The following PRRC2A variants were observed in gnomAD, a reference collection of about 807,000 sequenced individuals.
PRRC2A encodes the protein proline rich coiled-coil 2A.
Under a neutral mutation model 224.6 loss-of-function variants are expected in PRRC2A, and 59 were observed. The observed-to-expected ratio is 0.26, with a 90% CI of 0.21 to 0.33. The LOEUF (loss-of-function observed/expected upper bound fraction) is 0.33, where lower values mean the gene tolerates loss of function less well. Among genes scored for constraint, PRRC2A ranks in the 10% least tolerant of loss-of-function variants. The probability of loss-of-function intolerance (pLI) is 1.00; values close to 1 mark genes in which losing one functional copy is unlikely to be tolerated. For synonymous variants in PRRC2A, 1,194 were observed against 1,109.5 expected (o/e 1.08, Z -1.51); for missense variants, 3,095 against 2,880.7 (o/e 1.07, Z -1.70).
Position 31,629,303 on chromosome 6 carries a change from C to T in PRRC2A, c.1925C>T (p.Ser642Leu), listed in dbSNP as rs1383897218. The change falls in exon 13 of 31, where the codon TCG becomes TTG. Residue 642 changes from serine to leucine, a missense_variant. Coordinates refer to ENST00000376033, the MANE Select transcript of PRRC2A (RefSeq NM_004638.4). ...TTGGGCTACCCCAAATATCAGAAGTCGTTGCCTCCTCGTTTCCAGCGGCAG... is the reference window on the plus strand; with the variant it reads ...TTGGGCTACCCCAAATATCAGAAGTTGTTGCCTCCTCGTTTCCAGCGGCAG... The part of the protein sequence containing the change: ...QGLGYPKYQK[S>L]LPPRFQRQQQ... 1.3e-6 allele frequency: 2 copies of T among 1,576,826 alleles called. No homozygotes were observed. The highest frequency in any genetic ancestry group is 1.2e-5 in the South Asian group (1 of 86,560).
rs762574919 is a variant in PRRC2A, at chr6:31,629,164, A to G, written c.1786A>G (p.Lys596Glu). 3.7e-6 allele frequency: 6 copies of G among 1,614,066 alleles called. No individual in the cohort carries two copies. Among genetic ancestry groups the G allele is most frequent in the African/African-American group, 1.3e-5 (1 of 75,014 alleles). ...TGCAGTGGAACCACAACTGCCCTCA[A>G]AAGAGGGTCCTGAACCACCAGAAGA... ...ASPVEPQLPS[K>E]EGPEPPEEVP... Residue 596 changes from lysine (K) to glutamate (E), a missense_variant, in exon 13 of 31, where the codon AAA (lysine) becomes GAA (glutamate). Physicochemically the swap from Lys to Glu is moderately conservative, Grantham distance 56. Coordinates refer to ENST00000376033, the MANE Select transcript of PRRC2A (RefSeq NM_004638.4).
At chr6:31,623,650 T>C (rs2150493436) in intron 2 of PRRC2A, 82 bp from the exon 3 acceptor site, 3 of 1,420,830 alleles carry the variant, frequency 2.1e-6, no homozygotes, top group Non-Finnish European at 2.9e-6. Flanking sequence ...ATATTCAACA[T>C]GTATAAATGT....
In PRRC2A at chr6:31,635,072, C is replaced by T. The variant is rs1274466897; in HGVS notation, c.5161-60C>T. The T allele has an allele frequency of 1.9e-6, 3 of 1,600,686 alleles. No homozygotes were observed. The Admixed American group carries it at 5.1e-5, about 27-fold the overall frequency. On this transcript the variant is annotated intron_variant, in intron 21 of 30. Coordinates refer to ENST00000376033, the MANE Select transcript of PRRC2A (RefSeq NM_004638.4). Reference sequence around the variant, plus strand: ...TTTCTCTCTGCGTGTGTGTTCTGGGCATTCCAATTTGGATTTCCCTTTCCC... The same window carrying T: ...TTTCTCTCTGCGTGTGTGTTCTGGGTATTCCAATTTGGATTTCCCTTTCCC...
chr6:31,620,992 T>TCCTGCTG (rs1775204762), intron 1 of PRRC2A, 134 bp downstream of exon 1: 1 of 154,334 alleles, frequency 6.5e-6, no homozygotes, highest in South Asian at 1.7e-4. Context: ...CATTTTGTCC[T>TCCTGCTG]CCTGCTGCCG....
chr6:31,629,384 G>T (rs776617731), intron 13 of PRRC2A, 50 bp downstream of exon 13: 2 of 1,522,072 alleles, frequency 1.3e-6, no homozygotes, highest in Non-Finnish European at 1.8e-6. Context: ...TCCTGGCTTC[G>T]GTCCCTAATT....
Position 31,632,839 on chromosome 6 carries a change from G to C in PRRC2A, c.4166G>C (p.Arg1389Pro). ...DLSKRSFSSQ[R>P]PGMERQNRRP... ...AGTAAACGGAGCTTCTCAAGTCAGCGGCCAGGCATGGAACGGCAGAATCGG... is the reference window on the plus strand; with the variant it reads ...AGTAAACGGAGCTTCTCAAGTCAGCCGCCAGGCATGGAACGGCAGAATCGG... Residue 1389 changes from arginine to proline, a missense_variant, in exon 16 of 31, where the codon CGG becomes CCG. Physicochemically the swap from Arg to Pro is moderately radical, Grantham distance 103. Transcript: ENST00000376033. 1 of 1,613,166 alleles carries C rather than the reference G, an allele frequency of 6.2e-7. No homozygotes were observed. The highest frequency in any genetic ancestry group is 8.5e-7 in the Non-Finnish European group (1 of 1,180,038).
intron 24 of PRRC2A, 48 bp from the exon 25 acceptor site, chr6:31,635,919 C>G: frequency 6.6e-7 from 1 of 1,515,312 alleles, no homozygotes; most frequent in Non-Finnish European, 9.0e-7. Flanking sequence ...GATCTTTTTT[C>G]TTGACCACAG....
chr6:31,625,124 C>G lies in PRRC2A; in HGVS notation c.464-47C>G, dbSNP rs746232238. 1 of 1,583,544 alleles carries G rather than the reference C, an allele frequency of 6.3e-7. No individual in the cohort carries two copies. Among genetic ancestry groups the G allele is most frequent in the Non-Finnish European group, 8.6e-7 (1 of 1,159,902 alleles). ...GAGTCTTCCACTTTTATAGCATGTC[C>G]TCAGGAAATGTCTTCTGTCTCCTGT... On this transcript the variant is annotated intron_variant, in intron 5 of 30. Coordinates refer to ENST00000376033, the MANE Select transcript of PRRC2A (RefSeq NM_004638.4). The surrounding 1 kb of genome is among the most constrained non-coding windows in gnomAD (Gnocchi z 4.1).
In PRRC2A at chr6:31,637,096, C is replaced by T. The variant is rs1252277230; in HGVS notation, c.6202C>T (p.Leu2068Phe). 6.2e-7 allele frequency: 1 copy of T among 1,610,928 alleles called. No individual in the cohort carries two copies. The highest frequency in any genetic ancestry group is 8.5e-7 in the Non-Finnish European group (1 of 1,178,892). The change falls in exon 29 of 31, where the codon CTT becomes TTT. Residue 2068 changes from leucine to phenylalanine, a missense_variant. Physicochemically the swap from Leu to Phe is conservative, Grantham distance 22. This residue lies in a region of PRRC2A where 662 missense variants were observed against 609.5 expected (regional missense o/e 1.09). Transcript: ENST00000376033. ...GGATTATCAAAAACTGAGCAGCAAC[C>T]TTGGGGGACCTGGATCATCACGGAC... ...FQDYQKLSSNLGGPGSSRTPP... is the reference protein window; with the variant it reads ...FQDYQKLSSNFGGPGSSRTPP...
rs758553370 is a variant in PRRC2A at position 31,627,176 on chromosome 6, G to T, written c.1268G>T (p.Trp423Leu). The change falls in exon 11 of 31, where the codon TGG (tryptophan) becomes TTG (leucine). Residue 423 changes from tryptophan (W) to leucine (L), a missense_variant. Trp to Leu is a moderately conservative substitution (Grantham distance 61, BLOSUM62 -2). This residue lies in a region of PRRC2A where 2,001 missense variants were observed against 1,764.9 expected (regional missense o/e 1.13). Coordinates refer to ENST00000376033, the MANE Select transcript of PRRC2A (RefSeq NM_004638.4). The surrounding 1 kb of genome is among the most constrained non-coding windows in gnomAD (Gnocchi z 5.6). ...PPPHRGPAGN[W>L]GPPGDYPDRG... is the part of the protein sequence containing the mutation. ...CCTCACCGGGGCCCCGCCGGGAACT[G>T]GGGCCCCCCTGGGGACTACCCAGTG... 27 of 1,611,502 alleles carry T rather than the reference G, an allele frequency of 1.7e-5. No individual in the cohort carries two copies. Among genetic ancestry groups the T allele is most frequent in the Non-Finnish European group, 2.3e-5 (27 of 1,178,502 alleles).
intron 9 of PRRC2A, among the ~76,000 whole-genome samples, chr6:31,626,364 G>C (rs975741298): frequency 4.6e-5 from 7 of 151,618 alleles, no homozygotes; most frequent in Non-Finnish European, 1.0e-4. Flanking sequence ...ACCAGCCTGG[G>C]CAACACAGCA....
Position 31,633,213 on chromosome 6 carries a change from C to T in PRRC2A, c.4320-166C>T, listed in dbSNP as rs531968099. ...CTATGTATTCATTGCTGGTTCTTTGCTTTCCAGTCTGTGCATCTGTATGCA... is the reference window on the plus strand; with the variant it reads ...CTATGTATTCATTGCTGGTTCTTTGTTTTCCAGTCTGTGCATCTGTATGCA... On this transcript the variant is annotated intron_variant, in intron 16 of 30. Transcript: ENST00000376033. Among the ~76,000 whole-genome samples the T allele has an allele frequency of 2.0e-5, 3 of 152,302 alleles. No individual in the cohort carries two copies. In the East Asian group the frequency reaches 5.8e-4, roughly 29 times the overall value.
chr6:31,626,712 C>T (rs1775951673), intron 9 of PRRC2A, 60 bp from the exon 10 acceptor site: 1 of 1,444,002 alleles, frequency 6.9e-7, no homozygotes, highest in African/African-American at 1.4e-5. Context: ...TAGTTCCAGA[C>T]TACCTCCCAA....
chr6:31,624,035 C>A, intron 3 of PRRC2A, 126 bp downstream of exon 3: 1 of 1,231,810 alleles, frequency 8.1e-7, no homozygotes, highest in Non-Finnish European at 1.1e-6. Flanking sequence ...TTACCTATTG[C>A]AGGTTCCTTG....
At chr6:31,637,414 GACTC>G (rs778264071) in intron 30 of PRRC2A, 28 bp from the exon 31 acceptor site, 6 of 1,603,396 alleles carry the variant, frequency 3.7e-6, no homozygotes, top group South Asian at 2.2e-5. Context: ...CTCTCACTGT[GACTC>G]ACTGTTTAAC....
chr6:31,633,001 G>C lies in PRRC2A; in HGVS notation c.4319+9G>C. 6.5e-7 allele frequency: 1 copy of C among 1,528,114 alleles called. No homozygotes were observed. Among genetic ancestry groups the C allele is most frequent in the Non-Finnish European group, 8.8e-7 (1 of 1,140,050 alleles). 94.7% of individuals were successfully genotyped at this position (1,528,114 alleles called of 1,614,324 possible). ...TCTCCCAAGAACCGAAGGTGGGTAGGAACAAACAAATTTATTGTGGTTTAA... is the reference window on the plus strand; with the variant it reads ...TCTCCCAAGAACCGAAGGTGGGTAGCAACAAACAAATTTATTGTGGTTTAA... On this transcript the variant is annotated intron_variant, in intron 16 of 30. Transcript: ENST00000376033.
At position 31,635,113 on chromosome 6, in the gene PRRC2A, T is replaced by C. The variant is rs1561838185; in HGVS notation, c.5161-19T>C. On this transcript the variant is annotated intron_variant, in intron 21 of 30. Coordinates refer to ENST00000376033, the MANE Select transcript of PRRC2A (RefSeq NM_004638.4). ...TCCCTTTCCCTCCCCCAATGCACTT[T>C]ACTGTGTGCCCAATCCAGGAGCTGC... The C allele has an allele frequency of 6.2e-7, 1 of 1,612,800 alleles. No homozygotes were observed. Among genetic ancestry groups the C allele is most frequent in the African/African-American group, 1.3e-5 (1 of 75,006 alleles).
intron 1 of PRRC2A, among the ~76,000 whole-genome samples, chr6:31,621,320 C>CG (rs1775261784): frequency 1.3e-5 from 2 of 152,094 alleles, no homozygotes; most frequent in African/African-American, 2.4e-5. Context: ...CTCTTCGTGT[C>CG]GAGCCACTCC....
At chr6:31,634,156 C>T (rs1777036055) in intron 18 of PRRC2A, 80 bp from the exon 19 acceptor site, 1 of 1,567,296 alleles carries the variant, frequency 6.4e-7, no homozygotes. Context: ...CACCCTGTGT[C>T]ACCCCACTCT....
Sources: gnomAD v4.1 joint callset for allele counts (sites outside exome capture counted in the v4.1 genomes callset) on GRCh38, gnomAD v4.1.1 for gene constraint, gnomAD v4.1.1 regional missense constraint, Gnocchi (gnomAD v3.1) non-coding constraint, MANE v1.5 for transcripts, NCBI Gene and HGNC (gene_info 2026-07-23, HGNC 2026-07-21) for gene names.